The following TET1 variants were observed in gnomAD, a reference collection of about 807,000 sequenced individuals.
TET1 encodes the protein tet methylcytosine dioxygenase 1.
TET1 carries 13 observed loss-of-function variants against 148.7 expected under a neutral mutation model. The ratio of observed to expected loss-of-function variants is 0.09; its 90% CI spans 0.06 to 0.14. The LOEUF is 0.14. Among genes scored for constraint, TET1 ranks in the 10% least tolerant of loss-of-function variants. TET1 has a pLI of 1.00. For synonymous variants in TET1, 907 were observed against 937.2 expected (o/e 0.97, Z 0.59); for missense variants, 2,182 against 2,553.8 (o/e 0.85, Z 3.14).
chr10:68,601,780 TA>T (rs1160286920), intron 3 of TET1, among the ~76,000 whole-genome samples: 9 of 152,126 alleles, frequency 5.9e-5, no homozygotes, highest in African/African-American at 2.2e-4. Flanking sequence ...TCAAGTGGTG[TA>T]TTGCTATTAC....
intron 7 of TET1, among the ~76,000 whole-genome samples, chr10:68,669,680 C>T (rs992233777): frequency 2.0e-5 from 3 of 150,734 alleles, no homozygotes; most frequent in Admixed American, 6.6e-5. Flanking sequence ...GACAGAGTCT[C>T]GCACTGTCGC....
Position 68,686,382 on chromosome 10 carries a change from C to T in TET1, c.5079C>T (p.Asn1693=), listed in dbSNP as rs1270869755. The T allele has an allele frequency of 1.2e-6, 2 of 1,609,308 alleles. No individual in the cohort carries two copies. The highest frequency in any genetic ancestry group is 1.3e-5 in the African/African-American group (1 of 74,830). The stretch of plus-strand genomic sequence containing the variant: ...TTTGTACCTTAACTCGAGAAGATAA[C>T]CGCTCTTTGGGTGTTATTCCTCAAG... ...TVVCTLTRED[N]RSLGVIPQDE... The change falls in exon 11 of 12, where the codon AAC becomes AAT. Residue 1693 remains asparagine (N), a synonymous_variant. Coordinates refer to ENST00000373644, the MANE Select transcript of TET1 (RefSeq NM_030625.3).
chr10:68,661,026 T>C (rs1276190804), intron 6 of TET1, among the ~76,000 whole-genome samples: 2 of 150,620 alleles, frequency 1.3e-5, no homozygotes, highest in Non-Finnish European at 3.0e-5. Flanking sequence ...AGTTGTTTTT[T>C]GTTTTTGTTT....
intron 3 of TET1, among the ~76,000 whole-genome samples, chr10:68,609,181 G>A (rs1052291932): frequency 6.6e-6 from 1 of 151,290 alleles, no homozygotes; most frequent in African/African-American, 2.4e-5. Context: ...TTTTTTTTGA[G>A]ATGGAGTTTC....
chr10:68,575,386 A>AAAATAAATAAATAAATAAATAAAT lies in TET1; in HGVS notation c.1914+1146_1914+1169dup, dbSNP rs72033179. Among the ~76,000 whole-genome samples the AAAATAAATAAATAAATAAATAAAT allele has an allele frequency of 3.6e-4, 54 of 148,824 alleles. 1 individual carries two copies. Among genetic ancestry groups the AAAATAAATAAATAAATAAATAAAT allele is most frequent in the African/African-American group, 1.2e-3 (47 of 39,612 alleles). On this transcript the variant is annotated intron_variant, in intron 2 of 11. Transcript: ENST00000373644. ...GCCACAAAAGCGAAACTCTGTCTCAAAAATAAATAAATAAATAAATAAATA... is the reference window on the plus strand; with the variant it reads ...GCCACAAAAGCGAAACTCTGTCTCAAAAATAAATAAATAAATAAATAAATAAATAAATAAATAAATAAATAAATA...
chr10:68,593,915 A>AT (rs3998851), intron 2 of TET1, among the ~76,000 whole-genome samples: 1,152 of 44,676 alleles, frequency 0.026, 298 homozygotes, highest in African/African-American at 0.069. Context: ...CGCCTGAGCT[A>AT]TTTTTTTTTT....
rs572640027 is a variant in TET1 at position 68,575,184 on chromosome 10, G to A, written c.1914+932G>A. 2.6e-5 allele frequency among the ~76,000 whole-genome samples: 4 copies of A among 152,200 alleles called. No individual in the cohort carries two copies. In the South Asian group the frequency reaches 8.3e-4, roughly 32 times the overall value. On this transcript the variant is annotated intron_variant, in intron 2 of 11. Coordinates refer to ENST00000373644, the MANE Select transcript of TET1 (RefSeq NM_030625.3). ...AGATCACCTGAGGTCAGGAGTTTGG[G>A]ACGAGCCTGGCTGACGTGGTGAAAC...
intron 3 of TET1, among the ~76,000 whole-genome samples, chr10:68,634,178 C>T (rs914376117): frequency 1.3e-5 from 2 of 152,144 alleles, no homozygotes; most frequent in Admixed American, 6.5e-5. Flanking sequence ...CATGAGCCAC[C>T]GCAACTAGCT....
chr10:68,564,962 A>G (rs1415996980), intron 1 of TET1, among the ~76,000 whole-genome samples: 4 of 152,114 alleles, frequency 2.6e-5, no homozygotes, highest in Non-Finnish European at 4.4e-5. Flanking sequence ...GTTTAAGGCT[A>G]TAGTTAGCGA....
At chr10:68,674,902 C>T (rs1204091236) in intron 8 of TET1, 2 of 387,202 alleles carry the variant, frequency 5.2e-6, no homozygotes, top group Non-Finnish European at 9.7e-6. Flanking sequence ...TTGGAAAAGA[C>T]ATAGAAAAAA....
intron 2 of TET1, among the ~76,000 whole-genome samples, chr10:68,577,417 G>A (rs1400467257): frequency 6.6e-6 from 1 of 152,184 alleles, no homozygotes; most frequent in Non-Finnish European, 1.5e-5. Flanking sequence ...CACTTCGAGA[G>A]GCTGAGGGGA....
chr10:68,590,282 T>A (rs1004005965), intron 2 of TET1, among the ~76,000 whole-genome samples: 5 of 151,706 alleles, frequency 3.3e-5, no homozygotes, highest in Admixed American at 2.6e-4. Context: ...CCGGCTAGTG[T>A]TTTTGTTTGT....
chr10:68,638,858 A>G (rs2054695919), intron 3 of TET1, among the ~76,000 whole-genome samples: 1 of 151,402 alleles, frequency 6.6e-6, no homozygotes, highest in Admixed American at 6.6e-5. Flanking sequence ...CAGTCATTTC[A>G]GAATAAAACA....
At chr10:68,617,656 C>T (rs879502585) in intron 3 of TET1, among the ~76,000 whole-genome samples, 9 of 152,114 alleles carry the variant, frequency 5.9e-5, no homozygotes, top group Admixed American at 1.3e-4. Context: ...AGCGATTCTC[C>T]TGCTTCAGCC....
At chr10:68,670,369 T>C (rs1020632857) in intron 7 of TET1, among the ~76,000 whole-genome samples, 1 of 152,200 alleles carries the variant, frequency 6.6e-6, no homozygotes, top group Non-Finnish European at 1.5e-5. Flanking sequence ...TTCTATAGAC[T>C]GTTAATCAAT....
intron 1 of TET1, among the ~76,000 whole-genome samples, chr10:68,569,943 G>A (rs1445098609): frequency 6.6e-6 from 1 of 151,930 alleles, no homozygotes; most frequent in Admixed American, 6.6e-5. Context: ...AGGTTTAAAG[G>A]ATACTTTAGT....
intron 1 of TET1, among the ~76,000 whole-genome samples, chr10:68,565,806 C>G (rs1229454809): frequency 6.6e-6 from 1 of 152,026 alleles, no homozygotes. Flanking sequence ...AAATCAGGGT[C>G]TTGTGGGAGT....
At chr10:68,672,685 A>T (rs2055292099) in intron 7 of TET1, among the ~76,000 whole-genome samples, 1 of 152,066 alleles carries the variant, frequency 6.6e-6, no homozygotes, top group African/African-American at 2.4e-5. Flanking sequence ...AAGTATAGTT[A>T]ACCCTGGTCC....
chr10:68,653,249 C>T (rs1249809325), intron 6 of TET1, among the ~76,000 whole-genome samples: 1 of 152,074 alleles, frequency 6.6e-6, no homozygotes, highest in East Asian at 1.9e-4. Flanking sequence ...GATGGCTACT[C>T]AGTTATCCAA....
Sources: gnomAD v4.1 joint callset for allele counts (sites outside exome capture counted in the v4.1 genomes callset) on GRCh38, gnomAD v4.1.1 for gene constraint, MANE v1.5 for transcripts, NCBI Gene and HGNC (gene_info 2026-07-23, HGNC 2026-07-21) for gene names.